The following SEPTIN9 variants were observed in gnomAD, a reference collection of about 807,000 sequenced individuals.
SEPTIN9 encodes the protein septin 9.
SEPTIN9 carries 13 observed loss-of-function variants against 56.6 expected under a neutral mutation model. The observed-to-expected ratio is 0.23, with a 90% CI of 0.15 to 0.37. The LOEUF (loss-of-function observed/expected upper bound fraction) is 0.37. Ranked by LOEUF, SEPTIN9 falls within the 10% of genes least tolerant of loss-of-function variation. The pLI is 1.00. For missense variants in SEPTIN9, 650 were observed against 823.1 expected (o/e 0.79, Z 2.57); for synonymous variants, 332 against 334.1 (o/e 0.99, Z 0.07).
chr17:77,309,610 T>A (rs2032403597), intron 2 of SEPTIN9, among the ~76,000 whole-genome samples: 1 of 152,160 alleles, frequency 6.6e-6, no homozygotes, highest in Non-Finnish European at 1.5e-5. Flanking sequence ...CTGGGACTCT[T>A]GCCCTCCCCA....
chr17:77,300,510 G>C (rs187783301), intron 1 of SEPTIN9, among the ~76,000 whole-genome samples: 1 of 152,162 alleles, frequency 6.6e-6, no homozygotes, highest in Non-Finnish European at 1.5e-5. Flanking sequence ...GAAGAGGGAG[G>C]TGGCCATTAT....
chr17:77,319,542 C>T lies in SEPTIN9; in HGVS notation c.76+12345C>T, dbSNP rs187919537. 5.5e-5 allele frequency: 58 copies of T among 1,050,700 alleles called. No individual in the cohort carries two copies. The highest frequency in any genetic ancestry group is 8.7e-4 in the Middle Eastern group (2 of 2,312). The allele number at this position is 1,050,700 out of a possible 1,614,324, so 65.1% of individuals were successfully genotyped here. A position where few individuals can be genotyped will look rare whatever the true frequency, so the allele number is the denominator to read the frequency against. On this transcript the variant is annotated intron_variant, in intron 2 of 11. Transcript: ENST00000427177. The surrounding 1 kb of genome is among the most constrained non-coding windows in gnomAD (Gnocchi z 5.3). ...CCTCTGTCACTGCAGACTAATGGGA[C>T]GGAGGGGGGTGACTTCTCAGGGTTC... is the stretch of plus-strand genomic sequence containing the variant.
chr17:77,443,072 T>C (rs1178242032), intron 3 of SEPTIN9, among the ~76,000 whole-genome samples: 2 of 151,888 alleles, frequency 1.3e-5, no homozygotes, highest in East Asian at 1.9e-4. Flanking sequence ...CTGTATACCA[T>C]CTTAATAGGG....
chr17:77,486,110 C>T (rs576450826), intron 4 of SEPTIN9, among the ~76,000 whole-genome samples: 1 of 151,972 alleles, frequency 6.6e-6, no homozygotes, highest in African/African-American at 2.4e-5. Flanking sequence ...GCCATCTCGC[C>T]TGGCCGATTT....
intron 6 of SEPTIN9, 67 bp downstream of exon 6, chr17:77,488,388 C>G: frequency 6.9e-7 from 1 of 1,456,290 alleles, no homozygotes; most frequent in South Asian, 1.1e-5. Context: ...CACCCAGAGT[C>G]AGCCCTAGAG....
At chr17:77,452,461 C>T (rs2038020321) in intron 3 of SEPTIN9, among the ~76,000 whole-genome samples, 1 of 152,250 alleles carries the variant, frequency 6.6e-6, no homozygotes, top group African/African-American at 2.4e-5. Context: ...TTTGCTTTTT[C>T]ATGTGAAATC....
At chr17:77,351,320 C>G (rs757839442) in intron 2 of SEPTIN9, among the ~76,000 whole-genome samples, 6 of 151,794 alleles carry the variant, frequency 4.0e-5, no homozygotes, top group African/African-American at 7.3e-5. Flanking sequence ...TGGCAGGAAA[C>G]CGGGTTCTGG....
At chr17:77,396,466 G>A (rs562283896) in intron 2 of SEPTIN9, among the ~76,000 whole-genome samples, 46 of 152,290 alleles carry the variant, frequency 3.0e-4, no homozygotes, top group African/African-American at 1.1e-3. Context: ...CCTTGGCTGC[G>A]TCTCCCTCCA....
chr17:77,359,407 G>A (rs139610414), intron 2 of SEPTIN9, among the ~76,000 whole-genome samples: 6 of 152,302 alleles, frequency 3.9e-5, no homozygotes, highest in Non-Finnish European at 7.4e-5. Context: ...TGCTTAAGGG[G>A]CAAGAAAAAC....
chr17:77,491,372 A>G (rs2040019363), intron 8 of SEPTIN9, among the ~76,000 whole-genome samples: 1 of 151,924 alleles, frequency 6.6e-6, no homozygotes, highest in Admixed American at 6.6e-5. Flanking sequence ...TAATTTTTGT[A>G]TTTTTAGTAG....
intron 3 of SEPTIN9, among the ~76,000 whole-genome samples, chr17:77,408,003 C>CAGCCAGG (rs2036153403): frequency 1.3e-5 from 2 of 151,728 alleles, no homozygotes; most frequent in Admixed American, 1.3e-4. Flanking sequence ...TCCGGCTCCT[C>CAGCCAGG]AGCCACACCA....
At chr17:77,490,702 G>A (rs372541057) in intron 7 of SEPTIN9, 40 bp from the exon 8 acceptor site, 216 of 1,476,514 alleles carry the variant, frequency 1.5e-4, no homozygotes, top group Non-Finnish European at 1.9e-4. Flanking sequence ...CCACTGCCCC[G>A]CTCCCCCAGA....
At chr17:77,293,742 C>T (rs954154754) in intron 1 of SEPTIN9, among the ~76,000 whole-genome samples, 6 of 152,190 alleles carry the variant, frequency 3.9e-5, no homozygotes, top group Non-Finnish European at 7.3e-5. Context: ...AGTTCTATTT[C>T]TCCCACATTT....
chr17:77,401,345 T>C (rs1342075365), intron 2 of SEPTIN9, among the ~76,000 whole-genome samples: 2 of 152,134 alleles, frequency 1.3e-5, no homozygotes, highest in African/African-American at 2.4e-5. Context: ...TCACTTATTA[T>C]TGGAGGCATG....
intron 3 of SEPTIN9, among the ~76,000 whole-genome samples, chr17:77,468,080 A>G (rs910941482): frequency 1.3e-5 from 2 of 152,036 alleles, no homozygotes; most frequent in African/African-American, 4.8e-5. Context: ...CCTGGCTAAC[A>G]CGGTGAAACC....
chr17:77,312,822 G>A (rs12150676), intron 2 of SEPTIN9, among the ~76,000 whole-genome samples: 246 of 152,266 alleles, frequency 1.6e-3, no homozygotes, highest in Non-Finnish European at 2.5e-3. Flanking sequence ...TCTGTATAAC[G>A]GGGCACACGC....
intron 10 of SEPTIN9, among the ~76,000 whole-genome samples, chr17:77,494,973 C>T (rs995020470): frequency 6.6e-6 from 1 of 152,218 alleles, no homozygotes; most frequent in Non-Finnish European, 1.5e-5. Flanking sequence ...CCCCTTGGCC[C>T]CTCTGCCTGC....
chr17:77,455,559 G>A (rs2038161496), intron 3 of SEPTIN9, among the ~76,000 whole-genome samples: 1 of 152,218 alleles, frequency 6.6e-6, no homozygotes, highest in Admixed American at 6.5e-5. Flanking sequence ...TGTTCCAGGG[G>A]CCACCACAGG....
intron 7 of SEPTIN9, among the ~76,000 whole-genome samples, chr17:77,490,006 C>T (rs2039955928): frequency 6.6e-6 from 1 of 152,250 alleles, no homozygotes; most frequent in Non-Finnish European, 1.5e-5. Context: ...TGTGGCACTT[C>T]TGCCACTCCC....
Sources: gnomAD v4.1 joint callset for allele counts (sites outside exome capture counted in the v4.1 genomes callset) on GRCh38, gnomAD v4.1.1 for gene constraint, Gnocchi (gnomAD v3.1) non-coding constraint, MANE v1.5 for transcripts, NCBI Gene and HGNC (gene_info 2026-07-23, HGNC 2026-07-21) for gene names.